SYAP1: variants seen among roughly 807,000 people sequenced by gnomAD.
SYAP1 encodes the protein synapse-associated protein 1.
Under a neutral mutation model 29.6 loss-of-function variants are expected in SYAP1, and 3 were observed. The ratio of observed to expected loss-of-function variants is 0.10; its 90% CI spans 0.05 to 0.26. The LOEUF (loss-of-function observed/expected upper bound fraction) is 0.26, where lower values mean the gene tolerates loss of function less well. Among genes scored for constraint, SYAP1 ranks in the 10% least tolerant of loss-of-function variants. The probability of loss-of-function intolerance (pLI) is 1.00; values close to 1 mark genes in which losing one functional copy is unlikely to be tolerated. For missense variants in SYAP1, 217 were observed against 264.1 expected (o/e 0.82, Z 1.24); for synonymous variants, 102 against 102.7 (o/e 0.99, Z 0.04).
chrX:16,729,454 CT>C (rs1268751899), intron 1 of SYAP1, among the ~76,000 whole-genome samples: 1 of 107,390 alleles, frequency 9.3e-6, no homozygotes, highest in Non-Finnish European at 1.9e-5. Context: ...TCAAAGAAAC[CT>C]GTTATGCTTT....
intron 4 of SYAP1, among the ~76,000 whole-genome samples, chrX:16,742,601 T>A (rs949894581): frequency 9.0e-5 from 10 of 111,723 alleles, no homozygotes; most frequent in Non-Finnish European, 1.7e-4. Flanking sequence ...ATTTTTAATT[T>A]AATTTGTTTT....
intron 5 of SYAP1, among the ~76,000 whole-genome samples, chrX:16,747,854 G>A (rs956544066): frequency 2.7e-5 from 3 of 111,616 alleles, no homozygotes; most frequent in Non-Finnish European, 1.9e-5. Flanking sequence ...AGGCCGAGGC[G>A]GGCGGATCAC....
chrX:16,742,806 G>T (rs931126277), intron 4 of SYAP1, among the ~76,000 whole-genome samples: 1 of 109,936 alleles, frequency 9.1e-6, no homozygotes, highest in Non-Finnish European at 1.9e-5. Context: ...TTAGAGATGG[G>T]TTCTCACTAT....
At chrX:16,744,446 C>T (rs866919108) in intron 5 of SYAP1, among the ~76,000 whole-genome samples, 12 of 112,862 alleles carry the variant, frequency 1.1e-4, no homozygotes, top group Non-Finnish European at 2.2e-4. Context: ...AGCGTTCCTT[C>T]TTATTCTGTC....
chrX:16,734,626 G>A (rs1056834090), intron 1 of SYAP1, among the ~76,000 whole-genome samples: 2 of 110,638 alleles, frequency 1.8e-5, no homozygotes, highest in Non-Finnish European at 3.8e-5. Context: ...TATTTACTGA[G>A]ATAAATTAGA....
Position 16,761,280 on chromosome X carries a change from T to C in SYAP1, c.*921T>C, listed in dbSNP as rs914444230. The C allele has an allele frequency of 1.8e-5, 2 of 110,660 alleles. No individual in the cohort carries two copies. Among genetic ancestry groups the C allele is most frequent in the Non-Finnish European group, 1.9e-5 (1 of 52,952 alleles). The allele number at this position is 110,660 out of a possible 1,213,427, so 9.1% of individuals were successfully genotyped here. ...TCTGGGGCCTTTTCTTTCTTTTCTT[T>C]TTAAACTATACCAGAAATTTTACAT... On this transcript the variant is annotated 3_prime_UTR_variant, in exon 9 of 9. Coordinates refer to ENST00000380155, the MANE Select transcript of SYAP1 (RefSeq NM_032796.4).
At chrX:16,746,177 C>CA (rs11307737) in intron 5 of SYAP1, among the ~76,000 whole-genome samples, 314 of 63,843 alleles carry the variant, frequency 4.9e-3, no homozygotes, top group Non-Finnish European at 5.5e-3. Flanking sequence ...TGTTTTATGG[C>CA]AAAAAAAAAA....
In SYAP1 at chrX:16,741,940, A is replaced by G. The variant is rs765792488; in HGVS notation, c.435+151A>G. ...GTACACATTAACACATGATGTGTAC[A>G]TTAACAAAATGTACACATAAAATTT... On this transcript the variant is annotated intron_variant, in intron 4 of 8. Coordinates refer to ENST00000380155, the MANE Select transcript of SYAP1 (RefSeq NM_032796.4). 51 of 397,934 alleles carry G rather than the reference A, an allele frequency of 1.3e-4. 1 individual carries two copies. The East Asian group carries it at 2.0e-3, about 16-fold the overall frequency. The allele number at this position is 397,934 out of a possible 1,213,427, so 32.8% of individuals were successfully genotyped here.
intron 5 of SYAP1, 61 bp from the exon 6 acceptor site, chrX:16,754,884 G>A: frequency 8.9e-7 from 1 of 1,118,664 alleles, no homozygotes; most frequent in African/African-American, 1.8e-5. Context: ...TTGTCTGTCT[G>A]CTTTTTATTG....
intron 1 of SYAP1, among the ~76,000 whole-genome samples, chrX:16,731,286 C>T (rs962205766): frequency 9.0e-6 from 1 of 111,279 alleles, no homozygotes; most frequent in African/African-American, 3.3e-5. Context: ...TTATGAGTAT[C>T]CCATTACATT....
intron 8 of SYAP1, among the ~76,000 whole-genome samples, chrX:16,757,801 G>A (rs1230557232): frequency 2.8e-5 from 3 of 107,982 alleles, no homozygotes; most frequent in Non-Finnish European, 3.8e-5. Flanking sequence ...CTACTCGGGA[G>A]GAAGCTGAGA....
At chrX:16,734,331 A>G (rs1455110300) in intron 1 of SYAP1, among the ~76,000 whole-genome samples, 1 of 106,746 alleles carries the variant, frequency 9.4e-6, no homozygotes, top group Non-Finnish European at 1.9e-5. Context: ...GTGAACTGAG[A>G]TCTGAGATCA....
intron 5 of SYAP1, among the ~76,000 whole-genome samples, chrX:16,746,517 G>A (rs188479049): frequency 3.2e-4 from 35 of 110,630 alleles, no homozygotes; most frequent in African/African-American, 1.1e-3. Context: ...GATTACAGGC[G>A]TGAGCCACTG....
At chrX:16,734,996 CAAAAAAAAAA>C (rs1213395857) in intron 1 of SYAP1, among the ~76,000 whole-genome samples, 2 of 9,919 alleles carry the variant, frequency 2.0e-4, no homozygotes, top group Admixed American at 1.5e-3. Context: ...GAGACTGTCT[CAAAAAAAAAA>C]AAAAAAAAAA....
intron 4 of SYAP1, among the ~76,000 whole-genome samples, chrX:16,743,388 C>T (rs1428098484): frequency 9.1e-6 from 1 of 109,432 alleles, no homozygotes; most frequent in Non-Finnish European, 1.9e-5. Flanking sequence ...GTAATCCCAG[C>T]ACTTTGGGAA....
At chrX:16,752,379 T>TATTATG (rs1926754838) in intron 5 of SYAP1, among the ~76,000 whole-genome samples, 1 of 104,678 alleles carries the variant, frequency 9.6e-6, no homozygotes, top group Non-Finnish European at 1.9e-5. Context: ...TTATTATTAT[T>TATTATG]ATTATTATTA....
At chrX:16,751,684 T>TC (rs1268969124) in intron 5 of SYAP1, among the ~76,000 whole-genome samples, 3 of 105,772 alleles carry the variant, frequency 2.8e-5, no homozygotes, top group African/African-American at 1.0e-4. Flanking sequence ...TCTTTTCTTT[T>TC]TTTTTTTTTT....
At chrX:16,754,423 A>G (rs1171035538) in intron 5 of SYAP1, among the ~76,000 whole-genome samples, 6 of 111,829 alleles carry the variant, frequency 5.4e-5, no homozygotes, top group African/African-American at 1.9e-4. Context: ...TCCTGTTGTT[A>G]GCTTTCAATT....
intron 2 of SYAP1, among the ~76,000 whole-genome samples, chrX:16,735,612 T>C (rs1926313347): frequency 8.9e-6 from 1 of 111,803 alleles, no homozygotes; most frequent in Non-Finnish European, 1.9e-5. Context: ...ACTTTTCATG[T>C]TGGTTGTTTG....
Sources: gnomAD v4.1 joint callset for allele counts (sites outside exome capture counted in the v4.1 genomes callset) on GRCh38, gnomAD v4.1.1 for gene constraint, MANE v1.5 for transcripts, NCBI Gene and HGNC (gene_info 2026-07-23, HGNC 2026-07-21) for gene names.